Variants in TTLL12 observed in about 807,000 individuals in gnomAD.
TTLL12 encodes the protein tubulin--tyrosine ligase-like protein 12.
TTLL12 carries 77 observed loss-of-function variants against 79.6 expected under a neutral mutation model. That is an observed-to-expected ratio of 0.97 (90% CI 0.81 to 1.17). The LOEUF (loss-of-function observed/expected upper bound fraction) is 1.17. Ranked by LOEUF, TTLL12 falls within the 50% of genes most tolerant of loss-of-function variation. TTLL12 has a pLI of 0.00. For synonymous variants in TTLL12, 437 were observed against 376.1 expected (o/e 1.16, Z -1.87); for missense variants, 969 against 895.9 (o/e 1.08, Z -1.04).
chr22:43,183,904 G>A (rs893209372), intron 1 of TTLL12, among the ~76,000 whole-genome samples: 3 of 152,254 alleles, frequency 2.0e-5, no homozygotes, highest in African/African-American at 7.2e-5. Context: ...TCCTAGACAA[G>A]TGACCTTGAA....
At chr22:43,175,556 A>G (rs1363941012) in intron 6 of TTLL12, 2 of 152,262 alleles carry the variant, frequency 1.3e-5, no homozygotes, top group African/African-American at 4.8e-5. Context: ...TGGTGCCCAG[A>G]GGACAGGGGT....
chr22:43,169,748 TCTTA>T (rs1411538219), intron 11 of TTLL12, 180 bp from the exon 12 acceptor site: 1 of 685,118 alleles, frequency 1.5e-6, no homozygotes, highest in Non-Finnish European at 2.7e-6. Flanking sequence ...GGGCTCCAGG[TCTTA>T]CTGTGTGACT....
Position 43,169,515 on chromosome 22 carries a change from G to A in TTLL12, c.1629C>T (p.Pro543=), listed in dbSNP as rs1280381128. The change falls in exon 12 of 14, where the codon CCC becomes CCT. Residue 543 remains proline (P), a synonymous_variant. Transcript: ENST00000216129. ...CAGGAATTACCTGGACGTCCGTCCA[G>A]GGAAATTCTGGGTATTGCTTCTCAA... ...PEFEKQYPEF[P]WTDVQAEIFR... 1.2e-6 allele frequency: 2 copies of A among 1,605,398 alleles called. No individual in the cohort carries two copies. Among genetic ancestry groups the A allele is most frequent in the Admixed American group, 1.7e-5 (1 of 59,098 alleles).
intron 2 of TTLL12, 131 bp from the exon 3 acceptor site, chr22:43,181,071 T>C (rs1265493032): frequency 2.9e-6 from 3 of 1,028,270 alleles, no homozygotes; most frequent in South Asian, 1.7e-5. Flanking sequence ...CTGGGTGCCA[T>C]AGTTATGCCT....
chr22:43,176,587 A>G (rs138939), intron 5 of TTLL12, among the ~76,000 whole-genome samples, 191 bp from the exon 6 acceptor site: 78,979 of 151,582 alleles, frequency 0.52, 21,692 homozygotes, highest in Admixed American at 0.62. Context: ...AAAATTAGCC[A>G]GGCATGGTGG....
intron 10 of TTLL12, 46 bp from the exon 11 acceptor site, chr22:43,171,946 G>T (rs771311342): frequency 5.8e-6 from 9 of 1,556,452 alleles, no homozygotes; most frequent in Non-Finnish European, 7.9e-6. Context: ...GAGCGGCCTT[G>T]TCCCTGCGAG....
Position 43,173,010 on chromosome 22 carries a change from T to C in TTLL12, c.1342-456A>G, listed in dbSNP as rs563934832. On this transcript the variant is annotated intron_variant, in intron 9 of 13. Coordinates refer to ENST00000216129, the MANE Select transcript of TTLL12 (RefSeq NM_015140.4). Reference sequence around the variant, plus strand: ...ACCGCACCCTGAAGCAAAGTCTTTATATCCATTTTTAATTGAAATGAAATA... The same window carrying C: ...ACCGCACCCTGAAGCAAAGTCTTTACATCCATTTTTAATTGAAATGAAATA... 9.2e-4 allele frequency among the ~76,000 whole-genome samples: 140 copies of C among 152,320 alleles called. 2 individuals are homozygous for C. The highest frequency in any genetic ancestry group is 1.2e-4 in the Non-Finnish European group (8 of 68,028).
rs1196028040 is a variant in TTLL12 at position 43,180,939 on chromosome 22, T to C, written c.349A>G (p.Ile117Val). Residue 117 changes from isoleucine (I) to valine (V), a missense_variant and splice_region_variant, in exon 3 of 14, where the codon ATC becomes GTC. Transcript: ENST00000216129. Reference sequence around the variant, plus strand: ...GTCCAGGCGTGGTCGATGAGGAAGATGCTGCGGGCACAGGCCACAATGTGA... The same window carrying C: ...GTCCAGGCGTGGTCGATGAGGAAGACGCTGCGGGCACAGGCCACAATGTGA... ...SGLQAAHPNS[I>V]FLIDHAWTCR... The C allele has an allele frequency of 4.3e-6, 7 of 1,610,300 alleles. No homozygotes were observed. Among genetic ancestry groups the C allele is most frequent in the East Asian group, 4.5e-5 (2 of 44,840 alleles).
At chr22:43,178,372 A>G (rs1001314667) in intron 5 of TTLL12, among the ~76,000 whole-genome samples, 1 of 147,332 alleles carries the variant, frequency 6.8e-6, no homozygotes, top group South Asian at 2.1e-4. Flanking sequence ...CTCAGGCTGG[A>G]GTGCAGTGGC....
chr22:43,167,918 G>C lies in TTLL12; in HGVS notation c.*90C>G, dbSNP rs529948610. 6.6e-7 allele frequency: 1 copy of C among 1,507,660 alleles called. No individual in the cohort carries two copies. The highest frequency in any genetic ancestry group is 9.0e-7 in the Non-Finnish European group (1 of 1,107,332). The allele number at this position is 1,507,660 out of a possible 1,614,324, so 93.4% of individuals were successfully genotyped here. A position where few individuals can be genotyped will look rare whatever the true frequency, so the allele number is the denominator to read the frequency against. On this transcript the variant is annotated 3_prime_UTR_variant, in exon 14 of 14. Coordinates refer to ENST00000216129, the MANE Select transcript of TTLL12 (RefSeq NM_015140.4). The stretch of plus-strand genomic sequence containing the variant: ...CTGAGGCTATGCCCAGGGCCGGTGT[G>C]GGGAGGGACATGGGGGCCTTTGCAG...
intron 2 of TTLL12, among the ~76,000 whole-genome samples, chr22:43,181,687 C>T (rs1397648067): frequency 6.6e-6 from 1 of 152,208 alleles, no homozygotes; most frequent in African/African-American, 2.4e-5. Flanking sequence ...GACAAAGCCG[C>T]CCCCAGCTTG....
At chr22:43,182,013 AGAAAGGCCCGGAAG>A in intron 2 of TTLL12, among the ~76,000 whole-genome samples, 1 of 102,380 alleles carries the variant, frequency 9.8e-6, no homozygotes, top group South Asian at 4.4e-4. Context: ...GCCCGGAAGC[AGAAAGGCCCGGAAG>A]CAGAAAGGCC....
chr22:43,182,117 C>A (rs914682082), intron 2 of TTLL12, among the ~76,000 whole-genome samples: 10 of 151,280 alleles, frequency 6.6e-5, no homozygotes, highest in Admixed American at 6.6e-4. Flanking sequence ...CCACCCAAAA[C>A]AAGGCTGGCA....
chr22:43,184,553 T>C (rs372903105), intron 1 of TTLL12, among the ~76,000 whole-genome samples: 8 of 152,342 alleles, frequency 5.3e-5, no homozygotes, highest in Non-Finnish European at 7.3e-5. Flanking sequence ...TGGAGGCAGA[T>C]AGCCCAGGGT....
Position 43,167,838 on chromosome 22 carries a change from TGTGCTCCCGGA to T in TTLL12, c.*159_*169del. On this transcript the variant is annotated 3_prime_UTR_variant, in exon 14 of 14. Coordinates refer to ENST00000216129, the MANE Select transcript of TTLL12 (RefSeq NM_015140.4). Reference sequence around the variant, plus strand: ...TGACCCACAGGTGAGAGGAGGATGCTGTGCTCCCGGAGTGTGGCGCCGGGAGGATGGCTCGG... The same window carrying T: ...TGACCCACAGGTGAGAGGAGGATGCTGTGTGGCGCCGGGAGGATGGCTCGG... 1.3e-6 allele frequency: 1 copy of T among 748,850 alleles called. No homozygotes were observed. Among genetic ancestry groups the T allele is most frequent in the Non-Finnish European group, 2.1e-6 (1 of 466,678 alleles). 46.4% of individuals were successfully genotyped at this position (748,850 alleles called of 1,614,324 possible).
At chr22:43,170,472 T>C (rs1372517820) in intron 11 of TTLL12, among the ~76,000 whole-genome samples, 1 of 152,188 alleles carries the variant, frequency 6.6e-6, no homozygotes, top group African/African-American at 2.4e-5. Context: ...TCACGCGCCA[T>C]GATTTATCAT....
chr22:43,167,877 G>T lies in TTLL12; in HGVS notation c.*131C>A. ...GTGGCGCCGGGAGGATGGCTCGGCAGGACAGAGGCCTGGGGCTGAGGCTAT... is the reference window on the plus strand; with the variant it reads ...GTGGCGCCGGGAGGATGGCTCGGCATGACAGAGGCCTGGGGCTGAGGCTAT... On this transcript the variant is annotated 3_prime_UTR_variant, in exon 14 of 14. Transcript: ENST00000216129. 1 of 1,218,912 alleles carries T rather than the reference G, an allele frequency of 8.2e-7. No homozygotes were observed. Among genetic ancestry groups the T allele is most frequent in the Non-Finnish European group, 1.2e-6 (1 of 868,910 alleles). The allele number at this position is 1,218,912 out of a possible 1,614,324, so 75.5% of individuals were successfully genotyped here.
chr22:43,186,322 C>A (rs879500141), intron 1 of TTLL12, among the ~76,000 whole-genome samples: 1 of 151,810 alleles, frequency 6.6e-6, no homozygotes, highest in South Asian at 2.1e-4. Context: ...CCGGATGGGC[C>A]GTCCTCACAA....
intron 1 of TTLL12, among the ~76,000 whole-genome samples, chr22:43,186,411 C>G (rs115450907): frequency 0.015 from 2,262 of 152,304 alleles, 57 homozygotes; most frequent in African/African-American, 0.052. Flanking sequence ...AGCCTGTTTT[C>G]TTTAACCTGC....
Sources: gnomAD v4.1 joint callset for allele counts (sites outside exome capture counted in the v4.1 genomes callset) on GRCh38, gnomAD v4.1.1 for gene constraint, MANE v1.5 for transcripts, NCBI Gene and HGNC (gene_info 2026-07-23, HGNC 2026-07-21) for gene names.